NCAM1: variants seen among roughly 807,000 people sequenced by gnomAD.
NCAM1 encodes the protein neural cell adhesion molecule 1.
In NCAM1, 14 loss-of-function variants were observed where a neutral mutation model predicts 109.8. The observed-to-expected ratio is 0.13, with a 90% confidence interval of 0.08 to 0.20. NCAM1 has a LOEUF of 0.20. Among genes scored for constraint, NCAM1 ranks in the 10% least tolerant of loss-of-function variants. NCAM1 has a pLI of 1.00. For missense variants in NCAM1, 774 were observed against 1,109.9 expected (o/e 0.70, Z 4.30); for synonymous variants, 418 against 442.9 (o/e 0.94, Z 0.70).
At chr11:113,035,088 A>G (rs570173837) in intron 1 of NCAM1, among the ~76,000 whole-genome samples, 1 of 152,344 alleles carries the variant, frequency 6.6e-6, no homozygotes, top group East Asian at 1.9e-4. Flanking sequence ...AAGAAAATGA[A>G]ACACAGTAAA....
chr11:113,057,376 G>C (rs1029355865), intron 1 of NCAM1, among the ~76,000 whole-genome samples: 2 of 152,004 alleles, frequency 1.3e-5, no homozygotes, highest in Non-Finnish European at 1.5e-5. Flanking sequence ...GGAAGGGTGA[G>C]ATAATGAAGG....
chr11:113,006,583 T>C (rs959015184), intron 1 of NCAM1, among the ~76,000 whole-genome samples: 2 of 152,168 alleles, frequency 1.3e-5, no homozygotes, highest in Non-Finnish European at 2.9e-5. Flanking sequence ...TTTTGTGCCG[T>C]GGTGAATTGG....
At chr11:113,244,889 A>G (rs1374502575) in intron 14 of NCAM1, among the ~76,000 whole-genome samples, 3 of 152,144 alleles carry the variant, frequency 2.0e-5, no homozygotes, top group Non-Finnish European at 4.4e-5. Context: ...CATTTCTCTC[A>G]GGTTATTTTT....
At chr11:113,088,838 C>T (rs1291402617) in intron 1 of NCAM1, among the ~76,000 whole-genome samples, 3 of 152,028 alleles carry the variant, frequency 2.0e-5, no homozygotes, top group Non-Finnish European at 4.4e-5. Context: ...TAGATTATAT[C>T]TTTAGTGACT....
At chr11:113,116,408 C>T (rs1940711229) in intron 1 of NCAM1, among the ~76,000 whole-genome samples, 2 of 152,122 alleles carry the variant, frequency 1.3e-5, no homozygotes, top group African/African-American at 4.8e-5. Context: ...TCCAAGGGAC[C>T]ATCACAACAC....
chr11:113,264,365 C>G lies in NCAM1; in HGVS notation c.2131+4042C>G, dbSNP rs138172148. ...GTTGGCGCTCGCCATTAATCCCCAG[C>G]GCTCAGTTTAGAGGCTCACGTGCAG... On this transcript the variant is annotated intron_variant, in intron 17 of 19. Coordinates refer to ENST00000316851, the MANE Select transcript of NCAM1 (RefSeq NM_181351.5). 862 of 985,428 alleles carry G rather than the reference C, an allele frequency of 8.7e-4. 9 individuals are homozygous for G. In the African/African-American group the frequency reaches 0.014, roughly 16 times the overall value. 61.0% of individuals were successfully genotyped at this position (985,428 alleles called of 1,614,324 possible). A position where few individuals can be genotyped will look rare whatever the true frequency, so the allele number is the denominator to read the frequency against.
Position 113,231,779 on chromosome 11 carries a change from G to A in NCAM1, c.1224G>A (p.Met408Ile). The change falls in exon 10 of 20, where the codon ATG becomes ATA. Residue 408 changes from methionine to isoleucine, a missense_variant. This residue lies in a region of NCAM1 where 523 missense variants were observed against 784.2 expected (regional missense o/e 0.67). Transcript: ENST00000316851. ...CCATCGGCCAGGACTCCCAGTCCAT[G>A]TACCTTGAAGTGCAATGTAAGGAAT... The part of the protein sequence containing the change: ...SNTIGQDSQS[M>I]YLEVQYAPKL... 6.2e-7 allele frequency: 1 copy of A among 1,613,990 alleles called. No individual in the cohort carries two copies. Among genetic ancestry groups the A allele is most frequent in the Non-Finnish European group, 8.5e-7 (1 of 1,179,892 alleles).
intron 1 of NCAM1, among the ~76,000 whole-genome samples, chr11:113,025,813 GA>G (rs1952527090): frequency 6.7e-6 from 1 of 150,098 alleles, no homozygotes; most frequent in African/African-American, 2.4e-5. Flanking sequence ...GAGAGAGAGA[GA>G]GAGAGAGAGG....
At chr11:113,090,410 A>G (rs1402496782) in intron 1 of NCAM1, among the ~76,000 whole-genome samples, 1 of 152,246 alleles carries the variant, frequency 6.6e-6, no homozygotes, top group Non-Finnish European at 1.5e-5. Context: ...ATTTAGAACT[A>G]CATAGCGCAT....
At chr11:112,968,335 G>A (rs1950781547) in intron 1 of NCAM1, among the ~76,000 whole-genome samples, 2 of 152,200 alleles carry the variant, frequency 1.3e-5, no homozygotes, top group Admixed American at 1.3e-4. Context: ...TCAAATGAGT[G>A]AGATGTAAGT....
At chr11:113,126,155 C>CA (rs5794846) in intron 1 of NCAM1, among the ~76,000 whole-genome samples, 14,870 of 140,648 alleles carry the variant, frequency 0.11, 1,208 homozygotes, top group Admixed American at 0.23. Context: ...TACCCTTTCT[C>CA]AAAAAAAAAA....
At chr11:113,125,076 TAA>T (rs146035899) in intron 1 of NCAM1, among the ~76,000 whole-genome samples, 4,933 of 152,330 alleles carry the variant, frequency 0.032, 115 homozygotes, top group Non-Finnish European at 0.053. Flanking sequence ...AGACAACTTA[TAA>T]AATCGTAAGT....
At chr11:113,171,279 C>T (rs1191971544) in intron 1 of NCAM1, among the ~76,000 whole-genome samples, 1 of 152,126 alleles carries the variant, frequency 6.6e-6, no homozygotes, top group Non-Finnish European at 1.5e-5. Context: ...TGATCTATTC[C>T]CCCATATTGT....
chr11:113,190,832 A>G (rs1787748248), intron 1 of NCAM1, among the ~76,000 whole-genome samples: 1 of 152,168 alleles, frequency 6.6e-6, no homozygotes, highest in Admixed American at 6.6e-5. Context: ...CTCTCCATCC[A>G]GTAGAAGAGT....
At chr11:112,975,589 C>T (rs1255752304) in intron 1 of NCAM1, among the ~76,000 whole-genome samples, 3 of 151,776 alleles carry the variant, frequency 2.0e-5, no homozygotes, top group Admixed American at 6.6e-5. Context: ...TTACTCATCA[C>T]GTTTAAAATT....
intron 1 of NCAM1, among the ~76,000 whole-genome samples, chr11:113,068,181 G>A (rs1938067953): frequency 6.6e-6 from 1 of 152,126 alleles, no homozygotes; most frequent in South Asian, 2.1e-4. Context: ...AAAGTGCTGG[G>A]ATTACAAGCA....
chr11:112,983,649 T>C (rs1650684867), intron 1 of NCAM1, among the ~76,000 whole-genome samples: 1 of 151,936 alleles, frequency 6.6e-6, no homozygotes, highest in African/African-American at 2.4e-5. Flanking sequence ...TGCTTTATCA[T>C]AATAGCCAAA....
intron 1 of NCAM1, among the ~76,000 whole-genome samples, chr11:113,127,765 C>A (rs1286768217): frequency 6.6e-6 from 1 of 152,200 alleles, no homozygotes; most frequent in Non-Finnish European, 1.5e-5. Flanking sequence ...CAGCAGCGTC[C>A]CTTCCTACAA....
intron 1 of NCAM1, among the ~76,000 whole-genome samples, chr11:113,199,952 C>T (rs17115124): frequency 0.025 from 3,736 of 151,934 alleles, 93 homozygotes; most frequent in East Asian, 0.075. Flanking sequence ...AGATCCTGGC[C>T]GCATTTGGAT....
Sources: allele counts gnomAD v4.1 joint callset (sites outside exome capture counted in the v4.1 genomes callset), GRCh38; gene constraint gnomAD v4.1.1; regional missense constraint gnomAD v4.1.1; transcripts MANE v1.5; gene names NCBI Gene and HGNC (gene_info 2026-07-23, HGNC 2026-07-21).